Variants in CSGALNACT1 observed in about 807,000 individuals in gnomAD.
The protein encoded by CSGALNACT1 is beta4GalNAcT-1.
In CSGALNACT1, 52 loss-of-function variants were observed where a neutral mutation model predicts 51.0. The observed-to-expected ratio is 1.02, with a 90% confidence interval of 0.82 to 1.29. The LOEUF (loss-of-function observed/expected upper bound fraction) is 1.29, where lower values mean the gene tolerates loss of function less well. Ranked by LOEUF, CSGALNACT1 falls within the 50% of genes most tolerant of loss-of-function variation. The probability of loss-of-function intolerance (pLI) is 0.00; values close to 1 mark genes in which losing one functional copy is unlikely to be tolerated. For synonymous variants in CSGALNACT1, 341 were observed against 254.4 expected, an observed-to-expected ratio of 1.34 and a Z score of -3.24; for missense variants, 935 against 679.2, an observed-to-expected ratio of 1.38 and a Z score of -4.19.
intron 3 of CSGALNACT1, among the ~76,000 whole-genome samples, chr8:19,581,023 A>T (rs984470241): frequency 6.6e-6 from 1 of 152,218 alleles, no homozygotes; most frequent in Non-Finnish European, 1.5e-5. Context: ...AGGAAAAAGT[A>T]ATGTACGTGT....
chr8:19,635,797 C>T (rs1253439541), intron 1 of CSGALNACT1, among the ~76,000 whole-genome samples: 1 of 152,026 alleles, frequency 6.6e-6, no homozygotes, highest in African/African-American at 2.4e-5. Flanking sequence ...GCGTGATCTC[C>T]GTTCATTGCA....
intron 6 of CSGALNACT1, among the ~76,000 whole-genome samples, chr8:19,430,986 T>C (rs562032384): frequency 6.6e-6 from 1 of 152,168 alleles, no homozygotes; most frequent in South Asian, 2.1e-4. Context: ...GATTGTTTAT[T>C]GCTCGTGTAT....
intron 1 of CSGALNACT1, among the ~76,000 whole-genome samples, chr8:19,717,772 A>G (rs1564465812): frequency 6.6e-6 from 1 of 152,078 alleles, no homozygotes; most frequent in Non-Finnish European, 1.5e-5. Context: ...GCAAGACTAG[A>G]GACTATTTTT....
intron 3 of CSGALNACT1, chr8:19,587,898 A>C (rs1471000067): frequency 6.6e-6 from 1 of 152,236 alleles, no homozygotes; most frequent in African/African-American, 2.4e-5. Flanking sequence ...CATTACAAAT[A>C]TACAATAACA....
intron 1 of CSGALNACT1, among the ~76,000 whole-genome samples, chr8:19,735,448 T>A (rs569179886): frequency 2.6e-5 from 4 of 152,180 alleles, no homozygotes; most frequent in Admixed American, 2.6e-4. Context: ...AACATTCCAA[T>A]GACCATAAGC....
intron 1 of CSGALNACT1, among the ~76,000 whole-genome samples, chr8:19,657,065 TA>T (rs200755706): frequency 0.019 from 2,340 of 125,642 alleles, 54 homozygotes; most frequent in African/African-American, 0.058. Flanking sequence ...TCCATCTCAT[TA>T]AAAAAAAAAA....
At chr8:19,682,660 C>A (rs916510274), upstream of CSGALNACT1, 21 of 453,996 alleles carry the variant, frequency 4.6e-5, no homozygotes, top group Middle Eastern at 6.8e-4. Context: ...GCCAAAACCA[C>A]AAGGAAGCCA....
At chr8:19,538,669 G>A (rs912348455) in intron 3 of CSGALNACT1, among the ~76,000 whole-genome samples, 2 of 152,100 alleles carry the variant, frequency 1.3e-5, no homozygotes, top group Non-Finnish European at 2.9e-5. Flanking sequence ...GTACAGGCTG[G>A]GAAGAAACAG....
At position 19,485,249 on chromosome 8, in the gene CSGALNACT1, C is replaced by T. The variant is rs145689025; in HGVS notation, c.634+19952G>A. ...CAATCACAACACACTCTTGTGTGTT[C>T]GGCACAGGCTGAAATCTACTAAGTC... On this transcript the variant is annotated intron_variant, in intron 4 of 9. Coordinates refer to ENST00000454498, the Ensembl canonical transcript of CSGALNACT1. 1.8e-3 allele frequency among the ~76,000 whole-genome samples: 267 copies of T among 152,264 alleles called. 2 individuals carry two copies. The highest frequency in any genetic ancestry group is 6.2e-3 in the African/African-American group (256 of 41,562).
intron 4 of CSGALNACT1, among the ~76,000 whole-genome samples, chr8:19,502,816 G>C (rs2076639525): frequency 6.6e-6 from 1 of 152,182 alleles, no homozygotes; most frequent in African/African-American, 2.4e-5. Context: ...GTGGATCAAA[G>C]AATTGTGAAC....
At chr8:19,586,629 T>G (rs1344381355) in intron 3 of CSGALNACT1, among the ~76,000 whole-genome samples, 1 of 152,112 alleles carries the variant, frequency 6.6e-6, no homozygotes, top group African/African-American at 2.4e-5. Context: ...GCTTAGTCTA[T>G]GACTGGCAAT....
chr8:19,545,916 A>G (rs2086359030), intron 3 of CSGALNACT1, among the ~76,000 whole-genome samples: 1 of 150,216 alleles, frequency 6.7e-6, no homozygotes, highest in African/African-American at 2.4e-5. Context: ...TATTTTTCTA[A>G]AACAGCAAAA....
intron 3 of CSGALNACT1, among the ~76,000 whole-genome samples, chr8:19,541,484 C>T (rs1270667377): frequency 6.7e-6 from 1 of 149,920 alleles, no homozygotes; most frequent in African/African-American, 2.5e-5. Context: ...GATCTCCTGA[C>T]CTCATGATCC....
chr8:19,683,503 T>C (rs2060781506), upstream of CSGALNACT1, among the ~76,000 whole-genome samples: 1 of 152,120 alleles, frequency 6.6e-6, no homozygotes, highest in Admixed American at 6.5e-5. Flanking sequence ...TGGCAGCCAG[T>C]TAGAAAAGAT....
intron 4 of CSGALNACT1, among the ~76,000 whole-genome samples, chr8:19,482,562 C>T (rs1025121774): frequency 1.3e-5 from 2 of 152,208 alleles, no homozygotes; most frequent in East Asian, 1.9e-4. Context: ...CATCTAAAGC[C>T]GCTTTCTCTC....
intron 4 of CSGALNACT1, among the ~76,000 whole-genome samples, chr8:19,477,346 A>G (rs1331504528): frequency 1.3e-5 from 2 of 152,198 alleles, no homozygotes; most frequent in East Asian, 3.9e-4. Context: ...ACGTGGACAA[A>G]TGGGTGGCTA....
At chr8:19,452,031 T>C (rs1261203503) in intron 5 of CSGALNACT1, among the ~76,000 whole-genome samples, 1 of 152,246 alleles carries the variant, frequency 6.6e-6, no homozygotes, top group East Asian at 1.9e-4. Context: ...GCAAACTGTG[T>C]GCCAAAAATA....
At chr8:19,419,316 G>C (rs2153694312) in intron 7 of CSGALNACT1, among the ~76,000 whole-genome samples, 1 of 152,284 alleles carries the variant, frequency 6.6e-6, no homozygotes, top group East Asian at 1.9e-4. Context: ...GCCTTGGGAG[G>C]GGGTGTGAAA....
intron 1 of CSGALNACT1, among the ~76,000 whole-genome samples, chr8:19,634,757 A>G (rs900194716): frequency 1.2e-4 from 18 of 152,170 alleles, no homozygotes; most frequent in Non-Finnish European, 2.6e-4. Flanking sequence ...AGCCAATAAG[A>G]GAGCCCTTAC....
Sources: allele counts gnomAD v4.1 joint callset (sites outside exome capture counted in the v4.1 genomes callset), GRCh38; gene constraint gnomAD v4.1.1; transcripts MANE v1.5; gene names NCBI Gene and HGNC (gene_info 2026-07-23, HGNC 2026-07-21).